The following TSPEAR variants were observed in gnomAD, a reference collection of about 807,000 sequenced individuals.
TSPEAR encodes thrombospondin-type laminin G domain and EAR repeat-containing protein.
TSPEAR carries 69 observed loss-of-function variants against 71.6 expected under a neutral mutation model. That is an observed-to-expected ratio of 0.96 (90% CI 0.79 to 1.18). The LOEUF is 1.18. Among genes scored for constraint, TSPEAR ranks in the 50% most tolerant of loss-of-function variants. The probability of loss-of-function intolerance (pLI) is 0.00; values close to 1 mark genes in which losing one functional copy is unlikely to be tolerated. For missense variants in TSPEAR, 971 were observed against 894.9 expected, an observed-to-expected ratio of 1.09 and a Z score of -1.09; for synonymous variants, 402 against 387.2, an observed-to-expected ratio of 1.04 and a Z score of -0.45.
intron 1 of TSPEAR, among the ~76,000 whole-genome samples, chr21:44,570,693 G>C (rs587774855): frequency 6.6e-6 from 1 of 152,314 alleles, no homozygotes; most frequent in African/African-American, 2.4e-5. Flanking sequence ...GCAAAGGGAA[G>C]GATGGGGCAG....
At chr21:44,660,598 A>G (rs1427643248) in intron 1 of TSPEAR, among the ~76,000 whole-genome samples, 2 of 152,268 alleles carry the variant, frequency 1.3e-5, no homozygotes, top group Non-Finnish European at 1.5e-5. Context: ...CACGTGCACT[A>G]TAAGAAATTC....
intron 1 of TSPEAR, among the ~76,000 whole-genome samples, chr21:44,588,835 T>G (rs587741973): frequency 2.1e-4 from 32 of 151,356 alleles, no homozygotes; most frequent in Admixed American, 5.9e-4. Context: ...AAGAAATGAA[T>G]TAATGGCATT....
rs1347888530 is a variant in TSPEAR, at chr21:44,558,625, A to G, written c.303+9160T>C. 2.3e-5 allele frequency: 37 copies of G among 1,606,884 alleles called. No individual in the cohort carries two copies. Among genetic ancestry groups the G allele is most frequent in the Middle Eastern group, 1.9e-4 (1 of 5,396 alleles). On this transcript the variant is annotated intron_variant, in intron 2 of 11. Coordinates refer to ENST00000323084, the MANE Select transcript of TSPEAR (RefSeq NM_144991.3). ...GGGGCGCAGCAGCTGGTGGCGCAGC[A>G]GGGGGGCTCACAGCAGCTCTCTGGG...
intron 9 of TSPEAR, among the ~76,000 whole-genome samples, chr21:44,514,527 G>C (rs781952479): frequency 2.0e-5 from 3 of 152,326 alleles, no homozygotes; most frequent in Middle Eastern, 3.4e-3. Context: ...GCCGACAGCT[G>C]CAATCACAGA....
At chr21:44,671,373 C>T (rs782201516) in intron 1 of TSPEAR, among the ~76,000 whole-genome samples, 1 of 152,218 alleles carries the variant, frequency 6.6e-6, no homozygotes, top group Non-Finnish European at 1.5e-5. Context: ...CATAAGCAAG[C>T]TGTCTGGAGG....
chr21:44,505,767 C>T (rs1220635758), intron 10 of TSPEAR, among the ~76,000 whole-genome samples: 5 of 151,974 alleles, frequency 3.3e-5, no homozygotes, highest in Admixed American at 6.6e-5. Context: ...GGCCGAGTAA[C>T]GCTCCGCTGT....
chr21:44,635,345 C>CAA (rs56054652), intron 1 of TSPEAR, among the ~76,000 whole-genome samples: 926 of 83,558 alleles, frequency 0.011, 27 homozygotes, highest in East Asian at 0.032. Context: ...GACTCTGTCT[C>CAA]AAAAAAAAAA....
Position 44,627,214 on chromosome 21 carries a change from G to A in TSPEAR, c.83-59209C>T, listed in dbSNP as rs370826991. On this transcript the variant is annotated intron_variant, in intron 1 of 11. Transcript: ENST00000323084. ...GTCCATCCGCTCCAGCGCTTACTCC[G>A]ACTCCTGGCAGGTGGACGACTGCCC... The A allele has an allele frequency of 2.2e-5, 36 of 1,612,732 alleles. No homozygotes were observed. The highest frequency in any genetic ancestry group is 5.0e-5 in the Admixed American group (3 of 59,988).
At chr21:44,622,480 T>C (rs1375587507) in intron 1 of TSPEAR, among the ~76,000 whole-genome samples, 1 of 152,244 alleles carries the variant, frequency 6.6e-6, no homozygotes, top group Non-Finnish European at 1.5e-5. Context: ...GCCAGGCACC[T>C]GAAATGAAGA....
intron 1 of TSPEAR, among the ~76,000 whole-genome samples, chr21:44,611,474 T>C (rs1454328877): frequency 6.6e-6 from 1 of 151,944 alleles, no homozygotes; most frequent in Non-Finnish European, 1.5e-5. Flanking sequence ...CCCAGCCATG[T>C]GGAACTGTAA....
At chr21:44,511,524 G>A (rs1381327025) in intron 9 of TSPEAR, among the ~76,000 whole-genome samples, 1 of 152,126 alleles carries the variant, frequency 6.6e-6, no homozygotes, top group Non-Finnish European at 1.5e-5. Flanking sequence ...GTGTCCATGT[G>A]CATATGTGTA....
chr21:44,624,035 A>G (rs1485081319), intron 1 of TSPEAR, among the ~76,000 whole-genome samples: 3 of 152,216 alleles, frequency 2.0e-5, no homozygotes, highest in African/African-American at 7.2e-5. Context: ...GATTTCAACC[A>G]TTTATATTCA....
At chr21:44,616,480 C>T (rs782476851) in intron 1 of TSPEAR, among the ~76,000 whole-genome samples, 26 of 152,078 alleles carry the variant, frequency 1.7e-4, no homozygotes, top group South Asian at 6.2e-4. Flanking sequence ...TGTCAGCCCC[C>T]GACCCTGGTT....
At chr21:44,625,146 C>G (rs587774254) in intron 1 of TSPEAR, among the ~76,000 whole-genome samples, 22 of 152,368 alleles carry the variant, frequency 1.4e-4, no homozygotes, top group Admixed American at 3.9e-4. Flanking sequence ...TATGAAGGAT[C>G]TTCCCTATTC....
At chr21:44,517,303 A>ACC (rs113395602) in intron 9 of TSPEAR, 2 of 158,152 alleles carry the variant, frequency 1.3e-5, no homozygotes, top group African/African-American at 4.8e-5. Flanking sequence ...TTGCCAGTGC[A>ACC]CCCCCCAGGA....
intron 1 of TSPEAR, among the ~76,000 whole-genome samples, chr21:44,680,413 G>T (rs1310536758): frequency 2.6e-5 from 4 of 152,158 alleles, no homozygotes; most frequent in African/African-American, 7.2e-5. Context: ...GTAAAGATGT[G>T]GAGAAAAGGG....
intron 1 of TSPEAR, chr21:44,628,250 G>T (rs9979752): frequency 0.61 from 320,487 of 522,842 alleles, 104,274 homozygotes; most frequent in Admixed American, 0.66. Flanking sequence ...TTCTCCTCAC[G>T]GTGCTTCCTG....
chr21:44,675,953 G>A, intron 1 of TSPEAR: 3 of 822,222 alleles, frequency 3.6e-6, no homozygotes, highest in South Asian at 1.3e-5. Flanking sequence ...CGTTTCTAGG[G>A]TTATTCGGGC....
intron 2 of TSPEAR, chr21:44,539,418 A>G (rs1480440217): frequency 6.2e-7 from 1 of 1,602,784 alleles, no homozygotes; most frequent in Non-Finnish European, 8.5e-7. Flanking sequence ...ACAGGCATAC[A>G]GCAGGCGGGC....
Sources: allele counts gnomAD v4.1 joint callset (sites outside exome capture counted in the v4.1 genomes callset), GRCh38; gene constraint gnomAD v4.1.1; transcripts MANE v1.5; gene names NCBI Gene and HGNC (gene_info 2026-07-23, HGNC 2026-07-21).